Variants in FBXL14 observed in about 807,000 individuals in gnomAD.
FBXL14 encodes F-box/LRR-repeat protein 14.
In FBXL14, 11 loss-of-function variants were observed where a neutral mutation model predicts 24.5. The observed-to-expected ratio is 0.45, with a 90% CI of 0.28 to 0.74. The LOEUF (loss-of-function observed/expected upper bound fraction) is 0.74, where lower values mean the gene tolerates loss of function less well. Among genes scored for constraint, FBXL14 ranks in the 30% least tolerant of loss-of-function variants. The pLI, the probability that FBXL14 is intolerant of heterozygous loss-of-function variation, is 0.12. For synonymous variants in FBXL14, 294 were observed against 240.4 expected, an observed-to-expected ratio of 1.22 and a Z score of -2.06; for missense variants, 384 against 545.6, an observed-to-expected ratio of 0.70 and a Z score of 2.95.
At position 1,566,197 on chromosome 12, in the gene FBXL14, T is replaced by C. The variant is rs2094435977; in HGVS notation, c.*551A>G. The C allele has an allele frequency of 6.6e-6, 1 of 152,614 alleles. No homozygotes were observed. Among genetic ancestry groups the C allele is most frequent in the African/African-American group, 2.4e-5 (1 of 41,448 alleles). The allele number at this position is 152,614 out of a possible 1,614,324, so 9.5% of individuals were successfully genotyped here. On this transcript the variant is annotated 3_prime_UTR_variant, in exon 2 of 2. Transcript: ENST00000339235. ...GAACAGGGAATGAAATACGTAGACATTCCTCTATCTCATGGGGAAACTGCT... is the reference window on the plus strand; with the variant it reads ...GAACAGGGAATGAAATACGTAGACACTCCTCTATCTCATGGGGAAACTGCT...
intron 1 of FBXL14, chr12:1,587,405 C>G (rs1488479875): frequency 6.6e-6 from 1 of 152,102 alleles, no homozygotes; most frequent in South Asian, 2.1e-4. Context: ...TAACATACCC[C>G]ACTCTGGTGC....
chr12:1,592,342 T>C (rs532533848), intron 1 of FBXL14, among the ~76,000 whole-genome samples: 3 of 151,530 alleles, frequency 2.0e-5, no homozygotes, highest in African/African-American at 7.3e-5. Flanking sequence ...CAGAGTACTG[T>C]AAGAGGAGGA....
chr12:1,584,821 C>CTTG (rs1471699856), intron 1 of FBXL14, among the ~76,000 whole-genome samples: 1 of 152,080 alleles, frequency 6.6e-6, no homozygotes, highest in African/African-American at 2.4e-5. Context: ...TACTGGCCAT[C>CTTG]TTGTCGTTGT....
At chr12:1,588,832 G>A (rs372441356) in intron 1 of FBXL14, among the ~76,000 whole-genome samples, 2 of 151,914 alleles carry the variant, frequency 1.3e-5, no homozygotes, top group South Asian at 2.1e-4. Flanking sequence ...GTACCACCAC[G>A]CAAAGTGTAC....
chr12:1,566,495 C>T lies in FBXL14; in HGVS notation c.*253G>A. 2.4e-6 allele frequency: 1 copy of T among 413,126 alleles called. No homozygotes were observed. The highest frequency in any genetic ancestry group is 5.9e-5 in the South Asian group (1 of 16,834). 25.6% of individuals were successfully genotyped at this position (413,126 alleles called of 1,614,324 possible). On this transcript the variant is annotated 3_prime_UTR_variant, in exon 2 of 2. Coordinates refer to ENST00000339235, the MANE Select transcript of FBXL14 (RefSeq NM_152441.3). Reference sequence around the variant, plus strand: ...CCTAGCAAGTAAAAAGCTGAACAGACTGAAAAAGCAAGTCTCCTTGGATCC... The same window carrying T: ...CCTAGCAAGTAAAAAGCTGAACAGATTGAAAAAGCAAGTCTCCTTGGATCC...
At chr12:1,592,190 G>GTGTATATA (rs1555152263) in intron 1 of FBXL14, among the ~76,000 whole-genome samples, 1 of 139,068 alleles carries the variant, frequency 7.2e-6, no homozygotes, top group African/African-American at 2.6e-5. Context: ...ACATATATAT[G>GTGTATATA]TATATATATA....
chr12:1,570,059 T>C (rs1266056689), intron 1 of FBXL14, among the ~76,000 whole-genome samples: 4 of 152,210 alleles, frequency 2.6e-5, no homozygotes, highest in Admixed American at 1.3e-4. Flanking sequence ...GAGGGGTTTT[T>C]CCCCTCTGGT....
At position 1,591,644 on chromosome 12, in the gene FBXL14, A is replaced by T. The variant is rs374707419; in HGVS notation, c.1194+1229T>A. Among the ~76,000 whole-genome samples the T allele has an allele frequency of 2.4e-4, 36 of 152,332 alleles. No homozygotes were observed. In the East Asian group the frequency reaches 4.4e-3, roughly 19 times the overall value. On this transcript the variant is annotated intron_variant, in intron 1 of 1. Coordinates refer to ENST00000339235, the MANE Select transcript of FBXL14 (RefSeq NM_152441.3). ...AGTCCCAACCCCCACCAAAAGAAAG[A>T]AAGTCATCTATTCCTCCATTTAGAA...
chr12:1,580,150 A>G (rs998271576), intron 1 of FBXL14, among the ~76,000 whole-genome samples: 7 of 152,222 alleles, frequency 4.6e-5, no homozygotes, highest in African/African-American at 1.7e-4. Flanking sequence ...ACTAGGAAGA[A>G]GGCTATCTGG....
At chr12:1,570,339 A>G (rs893445581) in intron 1 of FBXL14, among the ~76,000 whole-genome samples, 1 of 152,226 alleles carries the variant, frequency 6.6e-6, no homozygotes, top group Non-Finnish European at 1.5e-5. Flanking sequence ...ATGTGTCCTT[A>G]TACAACGGCT....
At chr12:1,573,144 G>C (rs1219616251) in intron 1 of FBXL14, among the ~76,000 whole-genome samples, 1 of 152,114 alleles carries the variant, frequency 6.6e-6, no homozygotes, top group African/African-American at 2.4e-5. Context: ...GAATATTTGA[G>C]GGTCTTTAGC....
Position 1,582,182 on chromosome 12 carries a change from AGAAAG to A in FBXL14, c.1194+10686_1194+10690del, listed in dbSNP as rs372310556. The stretch of plus-strand genomic sequence containing the variant: ...AAAGGAAAGAAGGAAAAGAAAGAAA[AGAAAG>A]GAAGAAAAGGAAGAAAGAAAGAGAA... On this transcript the variant is annotated intron_variant, in intron 1 of 1. Transcript: ENST00000339235. 3.0e-3 allele frequency among the ~76,000 whole-genome samples: 456 copies of A among 152,152 alleles called. 2 individuals are homozygous for A. Among genetic ancestry groups the A allele is most frequent in the African/African-American group, 0.01 (429 of 41,488 alleles).
intron 1 of FBXL14, among the ~76,000 whole-genome samples, chr12:1,577,806 A>G (rs572289630): frequency 8.1e-4 from 124 of 152,286 alleles, no homozygotes; most frequent in African/African-American, 2.8e-3. Context: ...GAAAGAGTGA[A>G]CTGGGATCAC....
chr12:1,593,236 G>A lies in FBXL14; in HGVS notation c.831C>T (p.Gly277=), dbSNP rs377740646. The A allele has an allele frequency of 1.9e-5, 31 of 1,612,592 alleles. No homozygotes were observed. In the African/African-American group the frequency reaches 3.7e-4, roughly 19 times the overall value. The change falls in exon 1 of 2, where the codon GGC becomes GGT. Residue 277 remains glycine (G), a synonymous_variant. Transcript: ENST00000339235. This position sits in a 1 kb window ranked among gnomAD's most constrained non-coding sequence, Gnocchi z 7.4. ...CATCCAGCCCCGAGAGGCGCAGGCT[G>A]CCCATGGCCAGATGCATGATGCCCG... The part of the protein sequence containing the change: ...SDTGIMHLAM[G]SLRLSGLDVS...
intron 1 of FBXL14, among the ~76,000 whole-genome samples, chr12:1,588,940 C>T (rs2094482512): frequency 1.3e-5 from 2 of 151,738 alleles, no homozygotes; most frequent in Non-Finnish European, 2.9e-5. Context: ...CAAGAGTCAC[C>T]CCTATTCCCT....
intron 1 of FBXL14, among the ~76,000 whole-genome samples, chr12:1,572,067 A>G (rs939878939): frequency 6.6e-6 from 1 of 152,244 alleles, no homozygotes; most frequent in African/African-American, 2.4e-5. Flanking sequence ...GACTGAAACT[A>G]TGAGAAACAA....
chr12:1,581,030 C>A (rs2094465229), intron 1 of FBXL14, among the ~76,000 whole-genome samples: 1 of 152,184 alleles, frequency 6.6e-6, no homozygotes, highest in African/African-American at 2.4e-5. Flanking sequence ...TTGATACCTG[C>A]TTCAGTGTGT....
In FBXL14 at chr12:1,593,228, C is replaced by T. The variant is rs776619374; in HGVS notation, c.839G>A (p.Arg280His). Residue 280 changes from arginine to histidine, a missense_variant, in exon 1 of 2, where the codon CGC becomes CAC. Coordinates refer to ENST00000339235, the MANE Select transcript of FBXL14 (RefSeq NM_152441.3). This position sits in a 1 kb window ranked among gnomAD's most constrained non-coding sequence, Gnocchi z 7.4. ...GAACGAAACATCCAGCCCCGAGAGG[C>T]GCAGGCTGCCCATGGCCAGATGCAT... ...GIMHLAMGSL[R>H]LSGLDVSFCD... is the part of the protein sequence containing the mutation. The T allele has an allele frequency of 5.6e-6, 9 of 1,612,710 alleles. No homozygotes were observed. Among genetic ancestry groups the T allele is most frequent in the Non-Finnish European group, 7.6e-6 (9 of 1,180,028 alleles).
intron 1 of FBXL14, among the ~76,000 whole-genome samples, chr12:1,571,799 A>C (rs1225321448): frequency 6.6e-6 from 1 of 152,208 alleles, no homozygotes; most frequent in Non-Finnish European, 1.5e-5. Context: ...TCAAGTAAGA[A>C]TCAGCTAAGC....
Sources: allele counts gnomAD v4.1 joint callset (sites outside exome capture counted in the v4.1 genomes callset), GRCh38; gene constraint gnomAD v4.1.1; non-coding constraint Gnocchi (gnomAD v3.1); transcripts MANE v1.5; gene names NCBI Gene and HGNC (gene_info 2026-07-23, HGNC 2026-07-21).